SPECC1: variants seen among roughly 807,000 people sequenced by gnomAD.
The protein encoded by SPECC1 is sperm antigen with calponin homology and coiled-coil domains 1.
SPECC1 carries 62 observed loss-of-function variants against 104.1 expected under a neutral mutation model. That is an observed-to-expected ratio of 0.60 (90% CI 0.49 to 0.74). The LOEUF is 0.74. Ranked by LOEUF, SPECC1 falls within the 30% of genes least tolerant of loss-of-function variation. SPECC1 has a pLI of 0.00. For synonymous variants in SPECC1, 513 were observed against 501.6 expected, an observed-to-expected ratio of 1.02 and a Z score of -0.30; for missense variants, 1,306 against 1,310.5, an observed-to-expected ratio of 1.00 and a Z score of 0.05.
intron 7 of SPECC1, among the ~76,000 whole-genome samples, chr17:20,233,099 T>G (rs532559769): frequency 2.6e-5 from 4 of 152,370 alleles, no homozygotes; most frequent in Non-Finnish European, 5.9e-5. Context: ...CAGACAAATT[T>G]ATAAACAGCA....
intron 1 of SPECC1, among the ~76,000 whole-genome samples, chr17:20,077,898 A>T (rs1472101302): frequency 3.9e-5 from 6 of 152,052 alleles, no homozygotes; most frequent in Non-Finnish European, 7.4e-5. Flanking sequence ...CAGTCTTATT[A>T]TCTGTAAAAT....
intron 3 of SPECC1, among the ~76,000 whole-genome samples, chr17:20,119,343 C>G (rs906361149): frequency 8.5e-5 from 13 of 152,240 alleles, no homozygotes; most frequent in African/African-American, 2.9e-4. Flanking sequence ...AGTGATTCTC[C>G]TGCCTCAGCC....
chr17:20,205,844 A>G lies in SPECC1; in HGVS notation c.1795A>G (p.Asn599Asp). The G allele has an allele frequency of 1.2e-6, 2 of 1,614,138 alleles. No homozygotes were observed. Among genetic ancestry groups the G allele is most frequent in the Admixed American group, 3.3e-5 (2 of 60,024 alleles). ...AEKDLLELSCNELRQELLKAN... is the reference protein window; with the variant it reads ...AEKDLLELSCDELRQELLKAN... ...GAAAGATCTACTGGAACTGTCTTGC[A>G]ATGAGCTCAGACAAGAATTACTAAA... The change falls in exon 4 of 15, where the codon AAT becomes GAT. Residue 599 changes from asparagine (N) to aspartate (D), a missense_variant. Physicochemically the swap from Asn to Asp is conservative, Grantham distance 23 (BLOSUM62 1). Around this residue, in one of 2 missense-constraint regions of SPECC1, gnomAD observed 1,177 missense variants for 1,139.9 expected, o/e 1.03. Transcript: ENST00000395527.
At chr17:20,175,537 C>T (rs2034415396) in intron 3 of SPECC1, among the ~76,000 whole-genome samples, 1 of 152,136 alleles carries the variant, frequency 6.6e-6, no homozygotes, top group Non-Finnish European at 1.5e-5. Flanking sequence ...TCTTCTCATT[C>T]ATTGATTGGA....
At chr17:20,120,164 G>A (rs529898469) in intron 3 of SPECC1, among the ~76,000 whole-genome samples, 1 of 152,252 alleles carries the variant, frequency 6.6e-6, no homozygotes, top group East Asian at 1.9e-4. Context: ...GAGGCAGGCG[G>A]ATCACCTGAG....
chr17:20,072,849 C>G (rs1360932687), intron 1 of SPECC1, among the ~76,000 whole-genome samples: 1 of 152,178 alleles, frequency 6.6e-6, no homozygotes. Context: ...TGATAGAGTT[C>G]TTGGTGCCTG....
At chr17:20,234,324 G>A (rs977034349) in intron 7 of SPECC1, among the ~76,000 whole-genome samples, 15 of 152,170 alleles carry the variant, frequency 9.9e-5, no homozygotes, top group Non-Finnish European at 1.6e-4. Context: ...GCATCAGAAC[G>A]TTTCTGTCTG....
chr17:20,032,970 T>A (rs535815307), intron 1 of SPECC1, among the ~76,000 whole-genome samples: 237 of 143,732 alleles, frequency 1.6e-3, no homozygotes, highest in Middle Eastern at 3.6e-3. Flanking sequence ...ATATGTATAT[T>A]TTTTTTTTTT....
At chr17:20,172,805 G>A (rs190602137) in intron 3 of SPECC1, among the ~76,000 whole-genome samples, 13 of 152,258 alleles carry the variant, frequency 8.5e-5, no homozygotes, top group Admixed American at 6.5e-4. Flanking sequence ...AAAATGAGAC[G>A]GTGTGTGCGA....
At chr17:20,155,953 A>G in intron 3 of SPECC1, 1 of 1,249,086 alleles carries the variant, frequency 8.0e-7, no homozygotes, top group Non-Finnish European at 1.0e-6. Context: ...GTCCGGCAGG[A>G]TGCAGATGAA....
chr17:20,071,007 G>A (rs906619499), intron 1 of SPECC1, among the ~76,000 whole-genome samples: 1 of 151,734 alleles, frequency 6.6e-6, no homozygotes, highest in African/African-American at 2.4e-5. Context: ...TGCCCAGGTT[G>A]ACGTGTGGTC....
intron 7 of SPECC1, among the ~76,000 whole-genome samples, chr17:20,236,697 C>CA (rs1298607131): frequency 1.3e-5 from 2 of 148,730 alleles, no homozygotes; most frequent in African/African-American, 5.0e-5. Context: ...CTTTGGCTTC[C>CA]AAAAAATTGG....
At chr17:20,017,158 G>A (rs1303769823) in intron 1 of SPECC1, 5 of 152,318 alleles carry the variant, frequency 3.3e-5, no homozygotes, top group Admixed American at 1.3e-4. Flanking sequence ...AACGTGCTGC[G>A]GTCGCATTCC....
intron 1 of SPECC1, among the ~76,000 whole-genome samples, chr17:20,034,903 C>T (rs2044999992): frequency 6.6e-6 from 1 of 152,134 alleles, no homozygotes; most frequent in Non-Finnish European, 1.5e-5. Context: ...CCGTGCGTGG[C>T]CTTTTTCTAA....
chr17:20,301,768 C>G (rs1230199895), intron 13 of SPECC1, among the ~76,000 whole-genome samples: 2 of 152,030 alleles, frequency 1.3e-5, no homozygotes, highest in Non-Finnish European at 2.9e-5. Context: ...CGCAGTGGTA[C>G]CATCTCAGCT....
At chr17:20,100,253 G>A (rs1471428949) in intron 2 of SPECC1, among the ~76,000 whole-genome samples, 2 of 152,122 alleles carry the variant, frequency 1.3e-5, no homozygotes, top group Non-Finnish European at 2.9e-5. Flanking sequence ...AAGAAATGTA[G>A]CCCGCCTGAC....
intron 3 of SPECC1, among the ~76,000 whole-genome samples, chr17:20,161,773 A>T (rs1179961919): frequency 6.6e-6 from 1 of 150,570 alleles, no homozygotes; most frequent in African/African-American, 2.4e-5. Flanking sequence ...TTTCATACTC[A>T]GTTCTGTCAC....
chr17:20,104,718 G>A (rs1277362551), intron 2 of SPECC1, among the ~76,000 whole-genome samples: 2 of 139,560 alleles, frequency 1.4e-5, no homozygotes, highest in East Asian at 4.1e-4. Context: ...ACTCCAGCTT[G>A]GGTGAAAGAG....
At chr17:20,305,434 A>G (rs780723464) in intron 13 of SPECC1, among the ~76,000 whole-genome samples, 2 of 152,202 alleles carry the variant, frequency 1.3e-5, no homozygotes, top group Non-Finnish European at 1.5e-5. Context: ...CTATGTGTCT[A>G]TAGTGTAAGG....
Sources: gnomAD v4.1 joint callset for allele counts (sites outside exome capture counted in the v4.1 genomes callset) on GRCh38, gnomAD v4.1.1 for gene constraint, gnomAD v4.1.1 regional missense constraint, MANE v1.5 for transcripts, NCBI Gene and HGNC (gene_info 2026-07-23, HGNC 2026-07-21) for gene names.